PLEKHA3: variants seen among roughly 807,000 people sequenced by gnomAD.
PLEKHA3 encodes the protein pleckstrin homology domain containing A3.
A neutral mutation model predicts 39.2 loss-of-function variants in PLEKHA3; 19 were observed. That is an observed-to-expected ratio of 0.48 (90% CI 0.34 to 0.71). The LOEUF is 0.71. Ranked by LOEUF, PLEKHA3 falls within the 30% of genes least tolerant of loss-of-function variation. The probability of loss-of-function intolerance (pLI) is 0.01; values close to 1 mark genes in which losing one functional copy is unlikely to be tolerated. For synonymous variants in PLEKHA3, 97 were observed against 118.6 expected (o/e 0.82, Z 1.18); for missense variants, 253 against 359.5 (o/e 0.70, Z 2.40).
In PLEKHA3 at chr2:178,513,236, G is replaced by A. The variant is rs1355648824; in HGVS notation, c.*9349G>A. On this transcript the variant is annotated 3_prime_UTR_variant, in exon 8 of 8. Coordinates refer to ENST00000234453, the MANE Select transcript of PLEKHA3 (RefSeq NM_019091.4). ...GTAGAGACGGGGTTTTACCGTGTTG[G>A]TCAGGCTGGTCTCGAATGCCTGACC... 3 of 152,158 alleles carry A rather than the reference G, an allele frequency of 2.0e-5. No individual in the cohort carries two copies. The highest frequency in any genetic ancestry group is 2.9e-5 in the Non-Finnish European group (2 of 68,068). The allele number at this position is 152,158 out of a possible 1,614,324, so 9.4% of individuals were successfully genotyped here.
At chr2:178,502,317 A>G (rs937468751) in intron 7 of PLEKHA3, 13 of 396,410 alleles carry the variant, frequency 3.3e-5, no homozygotes, top group African/African-American at 2.7e-4. Flanking sequence ...GCTCATTAAC[A>G]TTTTGAATTT....
chr2:178,483,970 G>A (rs1685211326), intron 1 of PLEKHA3, among the ~76,000 whole-genome samples: 1 of 152,152 alleles, frequency 6.6e-6, no homozygotes, highest in Non-Finnish European at 1.5e-5. Context: ...CTAACTACTT[G>A]GGAGGCTGAG....
At chr2:178,495,954 C>G (rs759706877) in intron 5 of PLEKHA3, among the ~76,000 whole-genome samples, 9 of 151,966 alleles carry the variant, frequency 5.9e-5, no homozygotes, top group Non-Finnish European at 1.3e-4. Flanking sequence ...AGTGCTGTGA[C>G]AAAGAAAAAG....
chr2:178,500,728 A>G (rs1312272665), intron 6 of PLEKHA3, among the ~76,000 whole-genome samples: 1 of 152,110 alleles, frequency 6.6e-6, no homozygotes, highest in African/African-American at 2.4e-5. Flanking sequence ...CTTAAAATAC[A>G]TGCATTCATG....
rs1322002996 is a variant in PLEKHA3 at position 178,516,305 on chromosome 2, A to G, written c.*12418A>G. 12 of 152,184 alleles carry G rather than the reference A, an allele frequency of 7.9e-5. No homozygotes were observed. Among genetic ancestry groups the G allele is most frequent in the Admixed American group, 5.9e-4 (9 of 15,280 alleles). 9.4% of individuals were successfully genotyped at this position (152,184 alleles called of 1,614,324 possible). A position where few individuals can be genotyped will look rare whatever the true frequency, so the allele number is the denominator to read the frequency against. The stretch of plus-strand genomic sequence containing the variant: ...ATAGAATTTCTATTCCCAGGGGAAA[A>G]TAAACTTCATTTAAAAATATATGTA... On this transcript the variant is annotated 3_prime_UTR_variant, in exon 8 of 8. Coordinates refer to ENST00000234453, the MANE Select transcript of PLEKHA3 (RefSeq NM_019091.4).
At chr2:178,497,849 G>A (rs568691438) in intron 5 of PLEKHA3, among the ~76,000 whole-genome samples, 3 of 152,036 alleles carry the variant, frequency 2.0e-5, no homozygotes, top group Non-Finnish European at 4.4e-5. Context: ...GTAGTCCAGA[G>A]AAGTCAATGC....
intron 3 of PLEKHA3, among the ~76,000 whole-genome samples, chr2:178,491,211 A>C (rs938631368): frequency 2.6e-5 from 4 of 152,094 alleles, no homozygotes; most frequent in Non-Finnish European, 4.4e-5. Context: ...GGGTTTCACC[A>C]TGCTGGCCAA....
intron 2 of PLEKHA3, 21 bp from the exon 3 acceptor site, chr2:178,490,638 C>G: frequency 1.2e-6 from 2 of 1,605,744 alleles, no homozygotes; most frequent in Non-Finnish European, 1.7e-6. Context: ...AACTGTATTT[C>G]CCCTTTGTTT....
chr2:178,502,347 G>T (rs770597233), intron 7 of PLEKHA3: 9 of 425,904 alleles, frequency 2.1e-5, no homozygotes, highest in Non-Finnish European at 4.3e-5. Flanking sequence ...TGTGGGTGGA[G>T]AAATGAAGGA....
intron 2 of PLEKHA3, among the ~76,000 whole-genome samples, chr2:178,488,468 A>G (rs1370265838): frequency 6.6e-6 from 1 of 152,260 alleles, no homozygotes; most frequent in East Asian, 1.9e-4. Flanking sequence ...TTGACTTAAT[A>G]GCAACCTTTC....
intron 5 of PLEKHA3, among the ~76,000 whole-genome samples, chr2:178,497,571 G>A (rs922882721): frequency 3.3e-5 from 5 of 152,202 alleles, no homozygotes; most frequent in African/African-American, 1.2e-4. Context: ...GGACTGTGGT[G>A]TGGTGTTGAG....
rs990648833 is a variant in PLEKHA3 at position 178,504,779 on chromosome 2, A to G, written c.*892A>G. 4.6e-5 allele frequency: 7 copies of G among 152,314 alleles called. No homozygotes were observed. Among genetic ancestry groups the G allele is most frequent in the Non-Finnish European group, 7.4e-5 (5 of 67,838 alleles). The allele number at this position is 152,314 out of a possible 1,614,324, so 9.4% of individuals were successfully genotyped here. A position where few individuals can be genotyped will look rare whatever the true frequency, so the allele number is the denominator to read the frequency against. On this transcript the variant is annotated 3_prime_UTR_variant, in exon 8 of 8. Coordinates refer to ENST00000234453, the MANE Select transcript of PLEKHA3 (RefSeq NM_019091.4). The stretch of plus-strand genomic sequence containing the variant: ...GCAGCTCTTTCCAATATCTAGAGAC[A>G]TTTTTATTTATGAATATTTATACAA...
Position 178,515,086 on chromosome 2 carries a change from A to T in PLEKHA3, c.*11199A>T, listed in dbSNP as rs1352110391. On this transcript the variant is annotated 3_prime_UTR_variant, in exon 8 of 8. Transcript: ENST00000234453. ...TGTAGCATATGGCTTCCTCTACTGT[A>T]TGTTGGCATTTGCCACTTTTGGGGA... 1.1e-5 allele frequency: 1 copy of T among 92,294 alleles called. No individual in the cohort carries two copies. The highest frequency in any genetic ancestry group is 1.3e-4 in the Admixed American group (1 of 7,442). The allele number at this position is 92,294 out of a possible 1,614,324, so 5.7% of individuals were successfully genotyped here. A position where few individuals can be genotyped will look rare whatever the true frequency, so the allele number is the denominator to read the frequency against.
rs900086005 is a variant in PLEKHA3, at chr2:178,505,328, T to C, written c.*1441T>C. The C allele has an allele frequency of 2.6e-5, 4 of 151,920 alleles. No homozygotes were observed. Among genetic ancestry groups the C allele is most frequent in the Admixed American group, 2.0e-4 (3 of 15,240 alleles). 9.4% of individuals were successfully genotyped at this position (151,920 alleles called of 1,614,324 possible). On this transcript the variant is annotated 3_prime_UTR_variant, in exon 8 of 8. Transcript: ENST00000234453. ...AAAAACTGTAATTATAGGCCTTCCA[T>C]CTTAAGTTTAAGATGGACATAAACA... is the stretch of plus-strand genomic sequence containing the variant.
Position 178,495,664 on chromosome 2 carries a change from T to C in PLEKHA3, c.615+4T>C. ...GTCACCTTCTCCTGTTCAAATGGTTTGAACTTCTTGTTTTGGTTTTTTCCC... is the reference window on the plus strand; with the variant it reads ...GTCACCTTCTCCTGTTCAAATGGTTCGAACTTCTTGTTTTGGTTTTTTCCC... On this transcript the variant is annotated splice_donor_region_variant and intron_variant, in intron 5 of 7. Transcript: ENST00000234453. 1.9e-6 allele frequency: 3 copies of C among 1,586,834 alleles called. No individual in the cohort carries two copies. Among genetic ancestry groups the C allele is most frequent in the Non-Finnish European group, 2.6e-6 (3 of 1,165,406 alleles).
intron 4 of PLEKHA3, 107 bp downstream of exon 4, chr2:178,494,096 A>G (rs1685401762): frequency 7.5e-7 from 1 of 1,332,742 alleles, no homozygotes; most frequent in Non-Finnish European, 1.0e-6. Flanking sequence ...AGTTATTTTC[A>G]GCTTTTCTGG....
intron 2 of PLEKHA3, among the ~76,000 whole-genome samples, chr2:178,486,635 T>C (rs1271093959): frequency 6.6e-6 from 1 of 152,256 alleles, no homozygotes; most frequent in Non-Finnish European, 1.5e-5. Context: ...GTATTTTCTT[T>C]TGTGTCTGGC....
At chr2:178,491,397 T>C (rs989892030) in intron 3 of PLEKHA3, among the ~76,000 whole-genome samples, 3 of 152,266 alleles carry the variant, frequency 2.0e-5, no homozygotes, top group Admixed American at 1.3e-4. Context: ...GGTTAAATGA[T>C]CATTGAAAAA....
chr2:178,490,347 G>A (rs1685323952), intron 2 of PLEKHA3, among the ~76,000 whole-genome samples: 4 of 152,192 alleles, frequency 2.6e-5, no homozygotes. Flanking sequence ...ATTCATTGCA[G>A]TTGTATTTAA....
Sources: gnomAD v4.1 joint callset for allele counts (sites outside exome capture counted in the v4.1 genomes callset) on GRCh38, gnomAD v4.1.1 for gene constraint, MANE v1.5 for transcripts, NCBI Gene and HGNC (gene_info 2026-07-23, HGNC 2026-07-21) for gene names.